Variants in SDK1 observed in about 807,000 individuals in gnomAD.
SDK1 encodes the protein sidekick cell adhesion molecule 1.
Under a neutral mutation model 245.5 loss-of-function variants are expected in SDK1, and 157 were observed. That is an observed-to-expected ratio of 0.64 (90% CI 0.56 to 0.73). The LOEUF (loss-of-function observed/expected upper bound fraction) is 0.73, where lower values mean the gene tolerates loss of function less well. Among genes scored for constraint, SDK1 ranks in the 30% least tolerant of loss-of-function variants. The pLI, the probability that SDK1 is intolerant of heterozygous loss-of-function variation, is 0.00. For missense variants in SDK1, 3,583 were observed against 3,002.3 expected, an observed-to-expected ratio of 1.19 and a Z score of -4.52; for synonymous variants, 1,647 against 1,278.5, an observed-to-expected ratio of 1.29 and a Z score of -6.15.
At chr7:3,732,500 C>T (rs371693978) in intron 4 of SDK1, among the ~76,000 whole-genome samples, 13 of 152,276 alleles carry the variant, frequency 8.5e-5, no homozygotes, top group African/African-American at 2.2e-4. Context: ...TTTAATAGTT[C>T]GGTTCGGTCT....
At chr7:3,893,767 T>C (rs921613829) in intron 5 of SDK1, among the ~76,000 whole-genome samples, 1 of 151,640 alleles carries the variant, frequency 6.6e-6, no homozygotes, top group Non-Finnish European at 1.5e-5. Flanking sequence ...TCTCCACATC[T>C]TACCCTGCCT....
chr7:3,962,562 T>A (rs1781783432), intron 8 of SDK1, 95 bp from the exon 9 acceptor site: 2 of 1,101,312 alleles, frequency 1.8e-6, no homozygotes. Flanking sequence ...AAATGCCTAT[T>A]AAAATATTGG....
chr7:3,382,891 G>C (rs1237833552), intron 1 of SDK1, among the ~76,000 whole-genome samples: 1 of 151,862 alleles, frequency 6.6e-6, no homozygotes, highest in Non-Finnish European at 1.5e-5. Context: ...TTGTATATTT[G>C]TTGACTTGTG....
At chr7:3,493,612 A>G (rs1031584229) in intron 1 of SDK1, among the ~76,000 whole-genome samples, 1 of 152,228 alleles carries the variant, frequency 6.6e-6, no homozygotes, top group Admixed American at 6.5e-5. Context: ...AAGCAGAATT[A>G]TAGAAAAGAA....
intron 4 of SDK1, among the ~76,000 whole-genome samples, chr7:3,717,512 C>A (rs1160528385): frequency 6.6e-6 from 1 of 152,062 alleles, no homozygotes; most frequent in Non-Finnish European, 1.5e-5. Flanking sequence ...ATAATTTAAG[C>A]TCCCACCTAA....
intron 20 of SDK1, among the ~76,000 whole-genome samples, chr7:4,073,597 T>C (rs1370029601): frequency 1.3e-5 from 2 of 152,180 alleles, no homozygotes; most frequent in African/African-American, 4.8e-5. Context: ...CAAGTTGTAA[T>C]ATTAAACAAA....
At chr7:3,547,078 A>T (rs1424918583) in intron 1 of SDK1, among the ~76,000 whole-genome samples, 2 of 152,140 alleles carry the variant, frequency 1.3e-5, no homozygotes, top group Non-Finnish European at 2.9e-5. Context: ...TTTTTCTTTT[A>T]AGGTGTGTGA....
chr7:3,638,995 A>G lies in SDK1; in HGVS notation c.459-9A>G, dbSNP rs1202835285. 1.3e-6 allele frequency: 2 copies of G among 1,572,558 alleles called. No individual in the cohort carries two copies. Among genetic ancestry groups the G allele is most frequent in the Non-Finnish European group, 1.7e-6 (2 of 1,148,038 alleles). On this transcript the variant is annotated splice_polypyrimidine_tract_variant and intron_variant, in intron 2 of 44. Coordinates refer to ENST00000404826, the MANE Select transcript of SDK1 (RefSeq NM_152744.4). ...ATAAGCATTAACACTTCTTTTTGCT[A>G]TTCAACAGGTACATTATTCCATCTT...
At chr7:3,801,585 A>T (rs7780380) in intron 4 of SDK1, among the ~76,000 whole-genome samples, 16,266 of 152,176 alleles carry the variant, frequency 0.11, 1,598 homozygotes, top group African/African-American at 0.26. Context: ...TTTGACGAAA[A>T]CAGGAAGGAG....
At chr7:3,943,699 T>C (rs1380260817) in intron 5 of SDK1, among the ~76,000 whole-genome samples, 2 of 152,002 alleles carry the variant, frequency 1.3e-5, no homozygotes, top group East Asian at 2.0e-4. Context: ...GCAGTTCGGG[T>C]TAACTTTGAA....
chr7:3,444,246 C>CTT lies in SDK1; in HGVS notation c.298+142363_298+142364dup, dbSNP rs150376466. Among the ~76,000 whole-genome samples the CTT allele has an allele frequency of 8.9e-3, 1,351 of 152,290 alleles. 24 individuals carry two copies. Among genetic ancestry groups the CTT allele is most frequent in the African/African-American group, 0.031 (1,277 of 41,564 alleles). On this transcript the variant is annotated intron_variant, in intron 1 of 44. Coordinates refer to ENST00000404826, the MANE Select transcript of SDK1 (RefSeq NM_152744.4). ...TGGGTGGTCTCCCTGGCAGTGTGGTCTTACAGTATTTATGTCTGCCTGCTA... is the reference window on the plus strand; with the variant it reads ...TGGGTGGTCTCCCTGGCAGTGTGGTCTTTTACAGTATTTATGTCTGCCTGCTA...
intron 1 of SDK1, among the ~76,000 whole-genome samples, chr7:3,473,696 A>G (rs909280578): frequency 1.3e-5 from 2 of 149,880 alleles, no homozygotes; most frequent in Non-Finnish European, 3.0e-5. Context: ...TTTCCATTTT[A>G]TCTTTCTAGT....
At position 3,540,490 on chromosome 7, in the gene SDK1, T is replaced by C. The variant is rs146632133; in HGVS notation, c.299-78590T>C. Among the ~76,000 whole-genome samples, 191 of 152,222 alleles carry C rather than the reference T, an allele frequency of 1.3e-3. 2 individuals carry two copies. The highest frequency in any genetic ancestry group is 4.4e-3 in the African/African-American group (184 of 41,524). ...AAGAAAAATAATCCTTCAACAAGAC[T>C]GAAAAGGCGCAGTTAAAGAACCAGA... On this transcript the variant is annotated intron_variant, in intron 1 of 44. Coordinates refer to ENST00000404826, the MANE Select transcript of SDK1 (RefSeq NM_152744.4).
chr7:4,157,123 C>G (rs1450603964), intron 30 of SDK1, among the ~76,000 whole-genome samples: 1 of 152,118 alleles, frequency 6.6e-6, no homozygotes, highest in Non-Finnish European at 1.5e-5. Flanking sequence ...GGGCGGGTCC[C>G]TGACCGGCTG....
intron 4 of SDK1, among the ~76,000 whole-genome samples, chr7:3,819,655 C>T (rs1242662919): frequency 6.6e-6 from 1 of 151,906 alleles, no homozygotes. Flanking sequence ...TATAATAAAA[C>T]TCTATTGAAA....
intron 22 of SDK1, among the ~76,000 whole-genome samples, chr7:4,092,306 G>C (rs997176380): frequency 6.6e-6 from 1 of 152,086 alleles, no homozygotes; most frequent in Non-Finnish European, 1.5e-5. Flanking sequence ...CTCTGTGCTC[G>C]CCTACCCCCT....
At position 4,209,712 on chromosome 7, in the gene SDK1, G is replaced by A. The variant is rs532180811; in HGVS notation, c.5402-313G>A. 3.9e-5 allele frequency among the ~76,000 whole-genome samples: 6 copies of A among 152,302 alleles called. No homozygotes were observed. The East Asian group carries it at 1.2e-3, about 29-fold the overall frequency. ...AATCCTCCAGCAGTTGCTAGAAAAT[G>A]GAGCTCCCTGCGTTTCATTTTCTAT... On this transcript the variant is annotated intron_variant, in intron 37 of 44. Transcript: ENST00000404826.
intron 1 of SDK1, among the ~76,000 whole-genome samples, chr7:3,409,671 G>T (rs1035578268): frequency 3.9e-5 from 6 of 152,174 alleles, no homozygotes; most frequent in Non-Finnish European, 8.8e-5. Flanking sequence ...AGCAACAGAA[G>T]AGAAGAGCGT....
chr7:4,145,186 C>T (rs1001994179), intron 28 of SDK1, among the ~76,000 whole-genome samples: 47 of 152,104 alleles, frequency 3.1e-4, no homozygotes, highest in Admixed American at 3.3e-4. Context: ...AAGAAGGGGC[C>T]GGATGGACGT....
Sources: gnomAD v4.1 joint callset for allele counts (sites outside exome capture counted in the v4.1 genomes callset) on GRCh38, gnomAD v4.1.1 for gene constraint, MANE v1.5 for transcripts, NCBI Gene and HGNC (gene_info 2026-07-23, HGNC 2026-07-21) for gene names.